COA1: variants seen among roughly 807,000 people sequenced by gnomAD.
The protein encoded by COA1 is cytochrome c oxidase assembly factor 1 homolog.
In COA1, 13 loss-of-function variants were observed where a neutral mutation model predicts 16.0. That is an observed-to-expected ratio of 0.81 (90% CI 0.53 to 1.29). COA1 has a LOEUF of 1.29. Among genes scored for constraint, COA1 ranks in the 50% most tolerant of loss-of-function variants. The pLI, the probability that COA1 is intolerant of heterozygous loss-of-function variation, is 0.00. For synonymous variants in COA1, 65 were observed against 65.7 expected, an observed-to-expected ratio of 0.99 and a Z score of 0.05; for missense variants, 179 against 177.0, an observed-to-expected ratio of 1.01 and a Z score of -0.06.
intron 1 of COA1, among the ~76,000 whole-genome samples, chr7:43,703,327 AT>A (rs2094828055): frequency 6.6e-6 from 1 of 152,156 alleles, no homozygotes; most frequent in Non-Finnish European, 1.5e-5. Flanking sequence ...TGGGTGAAGT[AT>A]TCTGTAGATG....
Position 43,645,417 on chromosome 7 carries a change from A to T in COA1, c.116-18T>A. 6.2e-7 allele frequency: 1 copy of T among 1,612,740 alleles called. No individual in the cohort carries two copies. The highest frequency in any genetic ancestry group is 8.5e-7 in the Non-Finnish European group (1 of 1,178,888). On this transcript the variant is annotated intron_variant, in intron 3 of 5. Coordinates refer to ENST00000223336, the MANE Select transcript of COA1 (RefSeq NM_018224.4). Reference sequence around the variant, plus strand: ...ATGAAACTCTAAGGACGAAAGACACACTTATTTTCTTTATTGAACTTGGTC... The same window carrying T: ...ATGAAACTCTAAGGACGAAAGACACTCTTATTTTCTTTATTGAACTTGGTC...
At chr7:43,715,293 T>C (rs1302168668) in intron 1 of COA1, among the ~76,000 whole-genome samples, 2 of 151,924 alleles carry the variant, frequency 1.3e-5, no homozygotes, top group Admixed American at 6.6e-5. Context: ...GTATGTTGCT[T>C]GGTGAAACTC....
At chr7:43,612,014 T>TC (rs1366590647) in intron 6 of COA1, among the ~76,000 whole-genome samples, 1 of 152,236 alleles carries the variant, frequency 6.6e-6, no homozygotes, top group Non-Finnish European at 1.5e-5. Flanking sequence ...AATACCAACT[T>TC]TAAGTGTGTA....
At chr7:43,694,575 T>G (rs1175220457) in intron 1 of COA1, among the ~76,000 whole-genome samples, 1 of 152,168 alleles carries the variant, frequency 6.6e-6, no homozygotes, top group African/African-American at 2.4e-5. Flanking sequence ...GCATCTATAC[T>G]AGGTTTCCAA....
chr7:43,648,927 C>G (rs535218806), intron 1 of COA1: 11 of 322,234 alleles, frequency 3.4e-5, no homozygotes, highest in Non-Finnish European at 5.8e-5. Context: ...AAGGGAGAAC[C>G]GCAGACAGCA....
rs1037376346 is a variant in COA1, at chr7:43,723,146, C to T, written c.-39+6283G>A. On this transcript the variant is annotated intron_variant, in intron 1 of 5. Coordinates refer to ENST00000223336, the MANE Select transcript of COA1 (RefSeq NM_018224.4). ...GGTGTAACACATATAATCCTCTACC[C>T]TTTATCCCTTAGGGCTGCCCTTAAG... Among the ~76,000 whole-genome samples the T allele has an allele frequency of 3.3e-5, 5 of 152,182 alleles. No homozygotes were observed. In the South Asian group the frequency reaches 6.2e-4, roughly 19 times the overall value.
chr7:43,696,620 G>A (rs553301168), intron 1 of COA1, among the ~76,000 whole-genome samples: 1 of 152,052 alleles, frequency 6.6e-6, no homozygotes, highest in Non-Finnish European at 1.5e-5. Flanking sequence ...ACTGCAGAAT[G>A]ATATGTAAGG....
chr7:43,686,305 C>CT (rs770784003), intron 1 of COA1, among the ~76,000 whole-genome samples: 25,653 of 126,026 alleles, frequency 0.2, 2,914 homozygotes, highest in Admixed American at 0.3. Context: ...GGCTTTGTTT[C>CT]TTTTTTTTTT....
Position 43,700,591 on chromosome 7 carries a change from CGTGTGTGTGT to C in COA1, c.-39+28828_-39+28837del, listed in dbSNP as rs58589217. ...GTACACATATATACGTGTATATATA[CGTGTGTGTGT>C]GTGTGTGTGTGTGTGTGTTAGAGTA... On this transcript the variant is annotated intron_variant, in intron 1 of 5. Transcript: ENST00000223336. 1.4e-4 allele frequency among the ~76,000 whole-genome samples: 20 copies of C among 144,962 alleles called. 1 individual carries two copies. Among genetic ancestry groups the C allele is most frequent in the African/African-American group, 4.1e-4 (16 of 39,078 alleles).
intron 1 of COA1, among the ~76,000 whole-genome samples, chr7:43,716,842 T>C (rs1356667822): frequency 6.6e-6 from 1 of 152,162 alleles, no homozygotes; most frequent in African/African-American, 2.4e-5. Flanking sequence ...CCTAGGAACT[T>C]GGTGCCCTGT....
At chr7:43,652,821 G>T (rs1231343717) in intron 1 of COA1, among the ~76,000 whole-genome samples, 3 of 151,744 alleles carry the variant, frequency 2.0e-5, no homozygotes, top group African/African-American at 7.3e-5. Flanking sequence ...CTATCACTCT[G>T]GGGATTACAT....
chr7:43,670,584 G>A (rs2093197267), intron 1 of COA1, among the ~76,000 whole-genome samples: 1 of 152,168 alleles, frequency 6.6e-6, no homozygotes, highest in South Asian at 2.1e-4. Context: ...TTGACCTGAA[G>A]AAGTGTTTAG....
chr7:43,713,380 C>T (rs988572192), intron 1 of COA1, among the ~76,000 whole-genome samples: 5 of 152,126 alleles, frequency 3.3e-5, no homozygotes, highest in Non-Finnish European at 7.4e-5. Context: ...GCTACAATAC[C>T]TTACTATTAA....
rs746162775 is a variant in COA1 at position 43,645,328 on chromosome 7, C to G, written c.187G>C (p.Ala63Pro). The change falls in exon 4 of 6, where the codon GCT becomes CCT. Residue 63 changes from alanine to proline, a missense_variant. Physicochemically the swap from Ala to Pro is conservative, Grantham distance 27 (BLOSUM62 -1). Transcript: ENST00000223336. ...QLQSHPEAQE[A>P]LGPPLNIHYL... is the part of the protein sequence containing the mutation. ...TGGATGTTGAGAGGAGGGCCCAGAG[C>G]TTCCTGTGCCTCGGGATGGCTCTGC... 1 of 1,613,984 alleles carries G rather than the reference C, an allele frequency of 6.2e-7. No individual in the cohort carries two copies. The highest frequency in any genetic ancestry group is 8.5e-7 in the Non-Finnish European group (1 of 1,179,874).
At chr7:43,700,211 C>T (rs558430523) in intron 1 of COA1, among the ~76,000 whole-genome samples, 4 of 151,876 alleles carry the variant, frequency 2.6e-5, no homozygotes, top group Non-Finnish European at 4.4e-5. Flanking sequence ...CACAATCATA[C>T]GTATGGAAAA....
At chr7:43,646,216 C>T (rs1017009497) in intron 3 of COA1, 1 of 192,714 alleles carries the variant, frequency 5.2e-6, no homozygotes, top group African/African-American at 2.3e-5. Context: ...TGGGCTGCTT[C>T]CCAGGAATAG....
chr7:43,683,001 G>A lies in COA1; in HGVS notation c.-38-34349C>T, dbSNP rs761713240. Among the ~76,000 whole-genome samples the A allele has an allele frequency of 5.3e-5, 8 of 152,118 alleles. No homozygotes were observed. In the South Asian group the frequency reaches 1.7e-3, roughly 32 times the overall value. On this transcript the variant is annotated intron_variant, in intron 1 of 5. Transcript: ENST00000223336. Reference sequence around the variant, plus strand: ...ATAGCTGGGTTTACAGGTGCCCACCGCCACGCCTGGCTAATTTTTGTAGAG... The same window carrying A: ...ATAGCTGGGTTTACAGGTGCCCACCACCACGCCTGGCTAATTTTTGTAGAG...
At position 43,689,512 on chromosome 7, in the gene COA1, C is replaced by T. The variant is rs368553389; in HGVS notation, c.-39+39917G>A. Among the ~76,000 whole-genome samples the T allele has an allele frequency of 1.3e-4, 20 of 152,138 alleles. No individual in the cohort carries two copies. In the East Asian group the frequency reaches 1.9e-3, roughly 15 times the overall value. ...TTTTAACTGTCAACCCAGAAGTCTA[C>T]GCCCAGCCACAAATACCTTCAAAAA... On this transcript the variant is annotated intron_variant, in intron 1 of 5. Transcript: ENST00000223336.
At chr7:43,615,490 A>G (rs900486235) in intron 6 of COA1, among the ~76,000 whole-genome samples, 2 of 146,012 alleles carry the variant, frequency 1.4e-5, no homozygotes, top group Non-Finnish European at 3.1e-5. Context: ...TTGTTGTACT[A>G]TAGTATTTTA....
Sources: allele counts gnomAD v4.1 joint callset (sites outside exome capture counted in the v4.1 genomes callset), GRCh38; gene constraint gnomAD v4.1.1; transcripts MANE v1.5; gene names NCBI Gene and HGNC (gene_info 2026-07-23, HGNC 2026-07-21).